Variants in CCSER1 observed in about 807,000 individuals in gnomAD.
The protein encoded by CCSER1 is serine-rich coiled-coil domain-containing protein 1.
A neutral mutation model predicts 82.0 loss-of-function variants in CCSER1; 41 were observed. The ratio of observed to expected loss-of-function variants is 0.50; its 90% CI spans 0.39 to 0.65. The LOEUF (loss-of-function observed/expected upper bound fraction) is 0.65, where lower values mean the gene tolerates loss of function less well. Ranked by LOEUF, CCSER1 falls within the 30% of genes least tolerant of loss-of-function variation. The pLI is 0.00. For missense variants in CCSER1, 1,119 were observed against 1,064.2 expected (o/e 1.05, Z -0.72); for synonymous variants, 414 against 383.9 (o/e 1.08, Z -0.92).
Position 91,116,516 on chromosome 4 carries a change from C to T in CCSER1, c.2217+30522C>T, listed in dbSNP as rs570304322. ...AGAAACAGTAATGAGCCTCAGTTTT[C>T]TCCTCCTTAAAATGGGAGACAGTTG... is the stretch of plus-strand genomic sequence containing the variant. On this transcript the variant is annotated intron_variant, in intron 10 of 10. Coordinates refer to ENST00000509176, the MANE Select transcript of CCSER1 (RefSeq NM_001145065.2). Among the ~76,000 whole-genome samples, 67 of 152,298 alleles carry T rather than the reference C, an allele frequency of 4.4e-4. 3 individuals are homozygous for T. In the South Asian group the frequency reaches 0.014, roughly 31 times the overall value.
At chr4:90,899,979 A>G (rs1724355492) in intron 8 of CCSER1, among the ~76,000 whole-genome samples, 1 of 151,694 alleles carries the variant, frequency 6.6e-6, no homozygotes, top group Admixed American at 6.6e-5. Flanking sequence ...ATTAGGAAGC[A>G]TTCCCCCCTC....
chr4:91,170,069 C>G (rs1309339146), intron 10 of CCSER1, among the ~76,000 whole-genome samples: 1 of 152,128 alleles, frequency 6.6e-6, no homozygotes, highest in African/African-American at 2.4e-5. Context: ...CTGTAGGAAG[C>G]AGACATAATG....
chr4:91,137,128 C>A (rs1248611702), intron 10 of CCSER1, among the ~76,000 whole-genome samples: 5 of 142,160 alleles, frequency 3.5e-5, no homozygotes, highest in African/African-American at 5.1e-5. Flanking sequence ...GTCATCTAGC[C>A]TTAGGTATAT....
chr4:90,612,372 C>G (rs1229441888), intron 5 of CCSER1, among the ~76,000 whole-genome samples: 1 of 152,190 alleles, frequency 6.6e-6, no homozygotes. Context: ...ACTTAAAAGA[C>G]AAGATAATCA....
chr4:90,566,210 AG>A (rs1779359625), intron 5 of CCSER1, among the ~76,000 whole-genome samples: 1 of 151,872 alleles, frequency 6.6e-6, no homozygotes, highest in Non-Finnish European at 1.5e-5. Flanking sequence ...TATTTTCTTT[AG>A]GATTTTTGCA....
intron 10 of CCSER1, among the ~76,000 whole-genome samples, chr4:91,496,103 T>A (rs1419120073): frequency 6.6e-6 from 1 of 151,556 alleles, no homozygotes. Context: ...TTCCTGAGAA[T>A]CTCTAAGTGT....
intron 8 of CCSER1, among the ~76,000 whole-genome samples, chr4:90,829,369 T>TGG (rs1407351078): frequency 6.6e-6 from 1 of 152,100 alleles, no homozygotes; most frequent in African/African-American, 2.4e-5. Flanking sequence ...AAAATAGCTA[T>TGG]GGGTAGGAAG....
intron 4 of CCSER1, among the ~76,000 whole-genome samples, chr4:90,440,312 A>G (rs1578475359): frequency 6.6e-6 from 1 of 152,212 alleles, no homozygotes; most frequent in African/African-American, 2.4e-5. Context: ...GTCCATAGGA[A>G]TATTTTAAAT....
chr4:91,545,122 C>T (rs532889356), intron 10 of CCSER1, among the ~76,000 whole-genome samples: 7 of 152,188 alleles, frequency 4.6e-5, no homozygotes, highest in African/African-American at 9.6e-5. Context: ...TGGGACCCTC[C>T]GAGCCATGTG....
intron 4 of CCSER1, among the ~76,000 whole-genome samples, chr4:90,416,732 T>C (rs1755858078): frequency 6.6e-6 from 1 of 152,220 alleles, no homozygotes; most frequent in Non-Finnish European, 1.5e-5. Flanking sequence ...TGCTTTCTGA[T>C]TTAAATGTTA....
At chr4:90,937,480 A>AAC (rs148799317) in intron 9 of CCSER1, among the ~76,000 whole-genome samples, 42,230 of 146,046 alleles carry the variant, frequency 0.29, 6,163 homozygotes, top group African/African-American at 0.34. Context: ...TCTAATTTGA[A>AAC]ACACACACAC....
At chr4:90,839,938 CTAAG>C (rs1762359955) in intron 8 of CCSER1, among the ~76,000 whole-genome samples, 1 of 151,838 alleles carries the variant, frequency 6.6e-6, no homozygotes, top group South Asian at 2.1e-4. Flanking sequence ...ATTCTGGTCT[CTAAG>C]TTAGTAGATG....
intron 9 of CCSER1, among the ~76,000 whole-genome samples, chr4:90,933,334 C>T (rs991752356): frequency 6.6e-6 from 1 of 151,432 alleles, no homozygotes; most frequent in Non-Finnish European, 1.5e-5. Flanking sequence ...ACTACAGGCG[C>T]CCGCCACCAC....
intron 9 of CCSER1, among the ~76,000 whole-genome samples, chr4:90,936,895 C>T (rs1006042377): frequency 2.6e-5 from 4 of 151,914 alleles, no homozygotes; most frequent in Admixed American, 2.6e-4. Flanking sequence ...CTGTGTGTAA[C>T]ATACAGTTAT....
intron 3 of CCSER1, among the ~76,000 whole-genome samples, chr4:90,373,650 A>G (rs1747827591): frequency 6.6e-6 from 1 of 152,180 alleles, no homozygotes; most frequent in South Asian, 2.1e-4. Context: ...GATACAACTG[A>G]TGCATAATTT....
chr4:91,062,281 A>G lies in CCSER1; in HGVS notation c.2173-23669A>G, dbSNP rs1224930790. 7.2e-5 allele frequency among the ~76,000 whole-genome samples: 11 copies of G among 151,858 alleles called. 1 individual carries two copies. The highest frequency in any genetic ancestry group is 2.9e-5 in the Non-Finnish European group (2 of 67,960). ...TCACCCATGCAGAGGGAACACTCAA[A>G]CTCCCCCTTGCATCCCTGCTAATGA... is the stretch of plus-strand genomic sequence containing the variant. On this transcript the variant is annotated intron_variant, in intron 9 of 10. Transcript: ENST00000509176.
chr4:90,418,576 C>A (rs770400891), intron 4 of CCSER1, among the ~76,000 whole-genome samples: 3 of 151,846 alleles, frequency 2.0e-5, no homozygotes, highest in Non-Finnish European at 4.4e-5. Context: ...AGTGATAAAG[C>A]ATTATAGGAA....
At chr4:91,473,630 T>G (rs931764080) in intron 10 of CCSER1, among the ~76,000 whole-genome samples, 1 of 152,144 alleles carries the variant, frequency 6.6e-6, no homozygotes, top group Admixed American at 6.6e-5. Flanking sequence ...TTTATAAAAT[T>G]AAGATGATGA....
chr4:91,300,857 T>G (rs988819424), intron 10 of CCSER1, among the ~76,000 whole-genome samples: 2 of 151,908 alleles, frequency 1.3e-5, no homozygotes, highest in South Asian at 2.1e-4. Flanking sequence ...TGATTCAAAC[T>G]GTGTTCCAAC....
Sources: allele counts gnomAD v4.1 joint callset (sites outside exome capture counted in the v4.1 genomes callset), GRCh38; gene constraint gnomAD v4.1.1; transcripts MANE v1.5; gene names NCBI Gene and HGNC (gene_info 2026-07-23, HGNC 2026-07-21).